The following CDH20 variants were observed in gnomAD, a reference collection of about 807,000 sequenced individuals.
CDH20 encodes the protein cadherin-20.
In CDH20, 29 loss-of-function variants were observed where a neutral mutation model predicts 74.2. The ratio of observed to expected loss-of-function variants is 0.39; its 90% CI spans 0.29 to 0.53. The LOEUF is 0.53. Among genes scored for constraint, CDH20 ranks in the 20% least tolerant of loss-of-function variants. The probability of loss-of-function intolerance (pLI) is 0.69; values close to 1 mark genes in which losing one functional copy is unlikely to be tolerated. For synonymous variants in CDH20, 469 were observed against 405.4 expected, an observed-to-expected ratio of 1.16 and a Z score of -1.88; for missense variants, 988 against 1,048.3, an observed-to-expected ratio of 0.94 and a Z score of 0.79.
chr18:61,547,198 T>C (rs1223017362), intron 10 of CDH20, among the ~76,000 whole-genome samples: 2 of 151,830 alleles, frequency 1.3e-5, no homozygotes, highest in Admixed American at 1.3e-4. Context: ...CATGGTGGCA[T>C]GCACCTGTAG....
At chr18:61,382,849 C>A (rs114863577) in intron 1 of CDH20, among the ~76,000 whole-genome samples, 3,376 of 152,212 alleles carry the variant, frequency 0.022, 92 homozygotes, top group African/African-American at 0.068. Context: ...AGGCAAACAG[C>A]CCTTGCCAGC....
chr18:61,387,735 T>C (rs894500175), intron 1 of CDH20, among the ~76,000 whole-genome samples: 1 of 152,314 alleles, frequency 6.6e-6, no homozygotes, highest in South Asian at 2.1e-4. Context: ...TCAAGAGTTA[T>C]ACAGAGACAG....
intron 2 of CDH20, among the ~76,000 whole-genome samples, chr18:61,496,626 C>T (rs1911173466): frequency 2.6e-5 from 4 of 151,908 alleles, no homozygotes; most frequent in South Asian, 2.1e-4. Context: ...TTTCTTAAAG[C>T]GCTTAAAGCG....
chr18:61,434,003 T>C (rs4940521), intron 1 of CDH20, among the ~76,000 whole-genome samples: 148,735 of 152,216 alleles, frequency 0.98, 72,713 homozygotes, highest in East Asian at 1. Context: ...AGGTCTGGGA[T>C]GGCTGGTATT....
chr18:61,403,222 G>A (rs1912215140), intron 1 of CDH20, among the ~76,000 whole-genome samples: 1 of 152,158 alleles, frequency 6.6e-6, no homozygotes, highest in African/African-American at 2.4e-5. Flanking sequence ...AGATTTTCAA[G>A]GTGATCCATG....
At chr18:61,533,650 T>A (rs931295460) in intron 7 of CDH20, among the ~76,000 whole-genome samples, 1 of 152,238 alleles carries the variant, frequency 6.6e-6, no homozygotes, top group Non-Finnish European at 1.5e-5. Flanking sequence ...CATCTATTTT[T>A]GCTTTTGCAT....
At chr18:61,532,315 GA>G (rs1912673124) in intron 7 of CDH20, among the ~76,000 whole-genome samples, 1 of 152,140 alleles carries the variant, frequency 6.6e-6, no homozygotes, top group Admixed American at 6.5e-5. Context: ...CAGGCAGAGA[GA>G]AACATTAATT....
intron 1 of CDH20, among the ~76,000 whole-genome samples, chr18:61,416,190 C>T (rs1158547596): frequency 9.2e-5 from 14 of 152,064 alleles, no homozygotes. Flanking sequence ...CTTTGGAAGG[C>T]TTTGAATAAA....
chr18:61,545,622 G>A (rs188077477), intron 10 of CDH20, among the ~76,000 whole-genome samples: 1 of 152,046 alleles, frequency 6.6e-6, no homozygotes, highest in Non-Finnish European at 1.5e-5. Context: ...GAGAAAGATA[G>A]AAAGTGATCT....
intron 6 of CDH20, among the ~76,000 whole-genome samples, chr18:61,509,005 T>A (rs632561): frequency 0.99 from 150,595 of 152,318 alleles, 74,470 homozygotes; most frequent in Middle Eastern, 1. Context: ...GTTTTCATTG[T>A]TATGTAGGAG....
intron 5 of CDH20, among the ~76,000 whole-genome samples, chr18:61,505,795 A>G (rs552041118): frequency 6.6e-6 from 1 of 152,224 alleles, no homozygotes; most frequent in Non-Finnish European, 1.5e-5. Context: ...CTGTGTCTCT[A>G]TGCATTCTAC....
chr18:61,418,456 A>T (rs1047075988), intron 1 of CDH20, among the ~76,000 whole-genome samples: 3 of 146,894 alleles, frequency 2.0e-5, no homozygotes, highest in Non-Finnish European at 4.5e-5. Context: ...TGGGAGGCTG[A>T]GGCAGGAGAA....
At chr18:61,538,608 GTT>G (rs1449356386) in intron 8 of CDH20, among the ~76,000 whole-genome samples, 4 of 36,314 alleles carry the variant, frequency 1.1e-4, no homozygotes, top group African/African-American at 2.1e-4. Flanking sequence ...TTTTGTTTTT[GTT>G]TTTGTTTTTG....
At chr18:61,471,188 G>A (rs913337265) in intron 1 of CDH20, among the ~76,000 whole-genome samples, 5 of 152,168 alleles carry the variant, frequency 3.3e-5, no homozygotes, top group African/African-American at 1.2e-4. Context: ...CTCTGCTCAT[G>A]AACAGAAGGA....
chr18:61,356,649 C>T (rs567190043), intron 1 of CDH20, among the ~76,000 whole-genome samples: 74 of 152,184 alleles, frequency 4.9e-4, no homozygotes, highest in Admixed American at 9.8e-4. Flanking sequence ...GGTCAGTTTT[C>T]TAACTTCCTT....
intron 1 of CDH20, among the ~76,000 whole-genome samples, chr18:61,460,995 A>T (rs1909748535): frequency 6.6e-6 from 1 of 152,276 alleles, no homozygotes; most frequent in South Asian, 2.1e-4. Context: ...TGACATTGTT[A>T]TTTATATTTT....
chr18:61,446,036 A>G (rs1048806332), intron 1 of CDH20, among the ~76,000 whole-genome samples: 1 of 151,742 alleles, frequency 6.6e-6, no homozygotes, highest in Admixed American at 6.6e-5. Context: ...CAAGCATCCC[A>G]AGAGAGAGAC....
intron 1 of CDH20, among the ~76,000 whole-genome samples, chr18:61,471,524 T>A (rs2144381540): frequency 6.6e-6 from 1 of 152,354 alleles, no homozygotes; most frequent in South Asian, 2.1e-4. Context: ...AATTACAGAT[T>A]CAATAGCAAC....
At chr18:61,483,190 G>A (rs528254175) in intron 1 of CDH20, among the ~76,000 whole-genome samples, 1 of 152,206 alleles carries the variant, frequency 6.6e-6, no homozygotes, top group Admixed American at 6.5e-5. Context: ...CAATAGATCT[G>A]TGCCAGTCAG....
Sources: gnomAD v4.1 joint callset for allele counts (sites outside exome capture counted in the v4.1 genomes callset) on GRCh38, gnomAD v4.1.1 for gene constraint, MANE v1.5 for transcripts, NCBI Gene and HGNC (gene_info 2026-07-23, HGNC 2026-07-21) for gene names.